The following C17orf67 variants were observed in gnomAD, a reference collection of about 807,000 sequenced individuals.
C17orf67 encodes the protein uncharacterized protein C17orf67.
In C17orf67, 12 loss-of-function variants were observed where a neutral mutation model predicts 11.2. The observed-to-expected ratio is 1.07, with a 90% CI of 0.68 to 1.73. The LOEUF (loss-of-function observed/expected upper bound fraction) is 1.73. Among genes scored for constraint, C17orf67 ranks in the 40% most tolerant of loss-of-function variants. C17orf67 has a pLI of 0.00. For synonymous variants in C17orf67, 59 were observed against 46.9 expected, an observed-to-expected ratio of 1.26 and a Z score of -1.05; for missense variants, 115 against 113.5, an observed-to-expected ratio of 1.01 and a Z score of -0.06.
At chr17:56,810,049 C>A (rs1905572342) in intron 6 of C17orf67, among the ~76,000 whole-genome samples, 1 of 131,440 alleles carries the variant, frequency 7.6e-6, no homozygotes, top group African/African-American at 2.8e-5. Flanking sequence ...CTCACACACA[C>A]CCCTCACACA....
intron 6 of C17orf67, among the ~76,000 whole-genome samples, chr17:56,811,792 T>C (rs1456273558): frequency 2.6e-5 from 4 of 152,220 alleles, no homozygotes; most frequent in African/African-American, 9.7e-5. Context: ...TCTCTTTTTG[T>C]CTAAACAACT....
chr17:56,827,430 T>C (rs972111586), intron 2 of C17orf67, among the ~76,000 whole-genome samples: 1 of 152,228 alleles, frequency 6.6e-6, no homozygotes, highest in Non-Finnish European at 1.5e-5. Context: ...TGGAGCTTCT[T>C]AGAAATGCAG....
Position 56,825,746 on chromosome 17 carries a change from A to C in C17orf67, c.-556-425T>G, listed in dbSNP as rs373411528. On this transcript the variant is annotated intron_variant, in intron 2 of 7. Coordinates refer to ENST00000397861, the MANE Select transcript of C17orf67 (RefSeq NM_001085430.4). ...TATAAAAGTTATTTTGTAATGCTAA[A>C]TAAGAGCCAGATAGACACTATTATC... Among the ~76,000 whole-genome samples the C allele has an allele frequency of 6.4e-4, 97 of 152,342 alleles. 1 individual carries two copies. Among genetic ancestry groups the C allele is most frequent in the Non-Finnish European group, 9.6e-4 (65 of 68,038 alleles).
intron 6 of C17orf67, among the ~76,000 whole-genome samples, chr17:56,813,144 G>A (rs1002599658): frequency 2.0e-5 from 3 of 152,114 alleles, no homozygotes; most frequent in African/African-American, 7.2e-5. Context: ...CCGGGTCCCT[G>A]AGGAAGAGCT....
At chr17:56,828,673 A>C (rs1208771854) in intron 2 of C17orf67, among the ~76,000 whole-genome samples, 1 of 152,170 alleles carries the variant, frequency 6.6e-6, no homozygotes, top group Non-Finnish European at 1.5e-5. Flanking sequence ...TGGTGTGCCC[A>C]GTTGTTTGGT....
rs775828385 is a variant in C17orf67, at chr17:56,809,356, C to T, written c.156+5513G>A. 2.0e-5 allele frequency among the ~76,000 whole-genome samples: 3 copies of T among 152,046 alleles called. No homozygotes were observed. In the South Asian group the frequency reaches 6.2e-4, roughly 32 times the overall value. On this transcript the variant is annotated intron_variant, in intron 6 of 7. Coordinates refer to ENST00000397861, the MANE Select transcript of C17orf67 (RefSeq NM_001085430.4). ...GCATCCAAGTACCTTCCAACCCAGC[C>T]TCACAACAACCTGGCGATGCCATCT...
At chr17:56,822,587 C>A (rs931466063) in intron 4 of C17orf67, among the ~76,000 whole-genome samples, 2 of 152,170 alleles carry the variant, frequency 1.3e-5, no homozygotes, top group Admixed American at 6.5e-5. Flanking sequence ...ACTTGGAGAT[C>A]ATTGTTATTA....
At chr17:56,794,951 CCT>C in intron 7 of C17orf67, 91 bp downstream of exon 7, 2 of 858,974 alleles carry the variant, frequency 2.3e-6, no homozygotes, top group East Asian at 5.2e-5. Flanking sequence ...AGCTGGCCCC[CCT>C]GAGGCATGGT....
At chr17:56,822,563 A>C (rs991173501) in intron 4 of C17orf67, among the ~76,000 whole-genome samples, 5 of 152,372 alleles carry the variant, frequency 3.3e-5, no homozygotes, top group Admixed American at 6.5e-5. Flanking sequence ...CGTGACACAT[A>C]ATAAAAGTCT....
chr17:56,830,611 C>T (rs561441989), intron 2 of C17orf67, among the ~76,000 whole-genome samples: 199 of 152,158 alleles, frequency 1.3e-3, no homozygotes, highest in Admixed American at 2.2e-3. Context: ...TTAGCCACCA[C>T]GCCTGGCTAA....
At chr17:56,820,767 C>CTTTTT (rs746734939) in intron 4 of C17orf67, among the ~76,000 whole-genome samples, 2 of 122,504 alleles carry the variant, frequency 1.6e-5, no homozygotes, top group African/African-American at 3.1e-5. Flanking sequence ...GTGAGTTTCC[C>CTTTTT]TTTTTTTTTT....
intron 6 of C17orf67, among the ~76,000 whole-genome samples, chr17:56,806,935 T>C (rs1424111683): frequency 6.6e-6 from 1 of 152,194 alleles, no homozygotes; most frequent in Non-Finnish European, 1.5e-5. Flanking sequence ...CTTAGCCCAA[T>C]GTGGAACGCT....
chr17:56,825,161 T>A lies in C17orf67; in HGVS notation c.-396A>T, dbSNP rs1165705051. The A allele has an allele frequency of 6.6e-6, 1 of 152,226 alleles. No individual in the cohort carries two copies. Among genetic ancestry groups the A allele is most frequent in the Non-Finnish European group, 1.5e-5 (1 of 68,040 alleles). 9.4% of individuals were successfully genotyped at this position (152,226 alleles called of 1,614,324 possible). On this transcript the variant is annotated 5_prime_UTR_variant, in exon 3 of 8. It removes the in-frame stop codon of an upstream open reading frame in the 5' UTR. Coordinates refer to ENST00000397861, the MANE Select transcript of C17orf67 (RefSeq NM_001085430.4). ...GAGACCTGGTCAGGACCACAGAATC[T>A]ATATTTTAAAATGATGCTGATGCAG...
At chr17:56,828,297 C>T (rs901772347) in intron 2 of C17orf67, among the ~76,000 whole-genome samples, 10 of 151,704 alleles carry the variant, frequency 6.6e-5, no homozygotes, top group South Asian at 6.2e-4. Flanking sequence ...CCCAGCTACT[C>T]GGGAGGCTGA....
At chr17:56,799,132 T>A (rs1905265097) in intron 6 of C17orf67, among the ~76,000 whole-genome samples, 1 of 152,180 alleles carries the variant, frequency 6.6e-6, no homozygotes, top group South Asian at 2.1e-4. Context: ...AATTTCAACA[T>A]GAGACTTGAT....
intron 6 of C17orf67, among the ~76,000 whole-genome samples, chr17:56,806,164 C>T (rs112980434): frequency 1.1e-4 from 16 of 151,616 alleles, no homozygotes; most frequent in Admixed American, 9.8e-4. Context: ...TTAATAGAGA[C>T]GGGGTTTCAC....
In C17orf67 at chr17:56,795,034, GGA is replaced by G; in HGVS notation, c.*20+8_*20+9del. 3.2e-6 allele frequency: 5 copies of G among 1,576,650 alleles called. No individual in the cohort carries two copies. The highest frequency in any genetic ancestry group is 2.6e-6 in the Non-Finnish European group (3 of 1,146,746). ...TCAGACAGAGGTCCGGGAGAGAGAA[GGA>G]GACGTACCGAGGCTGGTCCTGATCC... On this transcript the variant is annotated splice_region_variant and intron_variant, in intron 7 of 7. Transcript: ENST00000397861.
intron 1 of C17orf67, 94 bp downstream of exon 1, chr17:56,833,495 CCGGGCTCGGGGTCAGCGGCGACGAGCGGG>C (rs1482901739): frequency 4.6e-5 from 7 of 150,934 alleles, no homozygotes; most frequent in African/African-American, 1.5e-4. Context: ...GAAACCGCGG[CCGGGCTCGGGGTCAGCGGCGACGAGCGGG>C]CGGCTGCCCC....
chr17:56,823,800 A>T (rs1421856304), intron 4 of C17orf67, among the ~76,000 whole-genome samples: 2 of 152,254 alleles, frequency 1.3e-5, no homozygotes, highest in Non-Finnish European at 2.9e-5. Context: ...CAAAACTTGG[A>T]AGCAACCAAG....
Sources: allele counts gnomAD v4.1 joint callset (sites outside exome capture counted in the v4.1 genomes callset), GRCh38; gene constraint gnomAD v4.1.1; transcripts MANE v1.5; gene names NCBI Gene and HGNC (gene_info 2026-07-23, HGNC 2026-07-21).